Variants in CDC27 observed in about 807,000 individuals in gnomAD.
CDC27 encodes the protein cell division cycle 27.
A neutral mutation model predicts 109.7 loss-of-function variants in CDC27; 27 were observed. That is an observed-to-expected ratio of 0.25 (90% CI 0.18 to 0.34). The LOEUF is 0.34. CDC27 is among the 10% of genes least tolerant of loss of function. CDC27 has a pLI of 1.00. For missense variants in CDC27, 579 were observed against 960.2 expected, an observed-to-expected ratio of 0.60 and a Z score of 5.25; for synonymous variants, 266 against 333.9, an observed-to-expected ratio of 0.80 and a Z score of 2.22.
chr17:47,148,112 C>T (rs1247814301), intron 9 of CDC27, among the ~76,000 whole-genome samples: 1 of 150,358 alleles, frequency 6.7e-6, no homozygotes, highest in Non-Finnish European at 1.5e-5. Context: ...GCAGGAGAAT[C>T]GCTTGAACCC....
intron 9 of CDC27, among the ~76,000 whole-genome samples, chr17:47,145,769 C>T (rs867998118): frequency 1.1e-4 from 16 of 151,904 alleles, no homozygotes; most frequent in Non-Finnish European, 2.1e-4. Flanking sequence ...GGCATGATGG[C>T]GGGTGCCTGT....
At chr17:47,177,567 G>GAAAC (rs1176621133) in intron 2 of CDC27, among the ~76,000 whole-genome samples, 1 of 152,112 alleles carries the variant, frequency 6.6e-6, no homozygotes, top group East Asian at 1.9e-4. Context: ...GACCCTATCT[G>GAAAC]AAACAAACAA....
Position 47,119,783 on chromosome 17 carries a change from T to C in CDC27, c.*1152A>G, listed in dbSNP as rs541966797. The stretch of plus-strand genomic sequence containing the variant: ...CTCAGAAGAGAACCTATCTCCTTCA[T>C]AAGAATGTTTTTTCCCCCAAGCTAA... On this transcript the variant is annotated 3_prime_UTR_variant, in exon 19 of 19. Coordinates refer to ENST00000066544, the MANE Select transcript of CDC27 (RefSeq NM_001256.6). 6.6e-6 allele frequency: 1 copy of C among 152,270 alleles called. No individual in the cohort carries two copies. The highest frequency in any genetic ancestry group is 1.9e-4 in the East Asian group (1 of 5,192). The allele number at this position is 152,270 out of a possible 1,614,324, so 9.4% of individuals were successfully genotyped here. A position where few individuals can be genotyped will look rare whatever the true frequency, so the allele number is the denominator to read the frequency against.
intron 8 of CDC27, among the ~76,000 whole-genome samples, chr17:47,153,767 T>C (rs1478798072): frequency 6.6e-6 from 1 of 152,122 alleles, no homozygotes; most frequent in Admixed American, 6.6e-5. Flanking sequence ...TATTTCCATA[T>C]ACCTATAAAA....
intron 4 of CDC27, among the ~76,000 whole-genome samples, chr17:47,167,456 T>G (rs701982): frequency 0.44 from 66,563 of 151,920 alleles, 15,246 homozygotes; most frequent in Middle Eastern, 0.54. Flanking sequence ...AGTCACTCTA[T>G]AGATATGAGA....
chr17:47,133,023 A>ATG (rs2062413304), intron 14 of CDC27, among the ~76,000 whole-genome samples: 1 of 42,810 alleles, frequency 2.3e-5, no homozygotes, highest in Admixed American at 4.2e-4. Context: ...ATATATATAT[A>ATG]TATATACACA....
At position 47,140,802 on chromosome 17, in the gene CDC27, C is replaced by G. The variant is rs11570530; in HGVS notation, c.1551+1051G>C. Among the ~76,000 whole-genome samples the G allele has an allele frequency of 1.4e-3, 208 of 152,296 alleles. 1 individual carries two copies. The highest frequency in any genetic ancestry group is 4.7e-3 in the African/African-American group (195 of 41,568). ...TGAATAAGACTTTCTGTCTTCAACTCTCTGTTCTGTACTATTCAAAATTAA... is the reference window on the plus strand; with the variant it reads ...TGAATAAGACTTTCTGTCTTCAACTGTCTGTTCTGTACTATTCAAAATTAA... On this transcript the variant is annotated intron_variant, in intron 12 of 18. Transcript: ENST00000066544.
intron 4 of CDC27, among the ~76,000 whole-genome samples, chr17:47,166,161 C>G (rs2063638822): frequency 6.6e-6 from 1 of 152,002 alleles, no homozygotes; most frequent in African/African-American, 2.4e-5. Flanking sequence ...CTTTTTAGAA[C>G]AGTATTTCAT....
intron 9 of CDC27, among the ~76,000 whole-genome samples, chr17:47,147,127 G>A (rs996788893): frequency 5.9e-5 from 9 of 152,036 alleles, no homozygotes; most frequent in African/African-American, 1.7e-4. Flanking sequence ...GCAGCCGGGC[G>A]CGGTGGCTCA....
At chr17:47,124,209 A>ACACACACC (rs774336770) in intron 16 of CDC27, among the ~76,000 whole-genome samples, 4 of 148,316 alleles carry the variant, frequency 2.7e-5, no homozygotes, top group Admixed American at 1.4e-4. Flanking sequence ...ACACACACAC[A>ACACACACC]CCCCTCTTCG....
chr17:47,153,952 G>C (rs1024807142), intron 8 of CDC27, among the ~76,000 whole-genome samples: 8 of 151,844 alleles, frequency 5.3e-5, no homozygotes, highest in African/African-American at 1.7e-4. Context: ...AGCTGGGTGT[G>C]GTGGTGTACA....
chr17:47,183,093 A>G (rs2064305509), intron 1 of CDC27, among the ~76,000 whole-genome samples: 1 of 152,198 alleles, frequency 6.6e-6, no homozygotes, highest in African/African-American at 2.4e-5. Context: ...TTGAATATGC[A>G]TATGTTCATC....
chr17:47,137,361 C>A lies in CDC27; in HGVS notation c.1705-1G>T. Reference sequence around the variant, plus strand: ...AACAGTTCCCTGCAGCACACCAGGCCTTAAAAAAATGGGAACAAAAACCAA... The same window carrying A: ...AACAGTTCCCTGCAGCACACCAGGCATTAAAAAAATGGGAACAAAAACCAA... On this transcript the variant is annotated splice_acceptor_variant, in intron 13 of 18. Coordinates refer to ENST00000066544, the MANE Select transcript of CDC27 (RefSeq NM_001256.6). LOFTEE classifies it high-confidence loss of function. 6.5e-7 allele frequency: 1 copy of A among 1,541,444 alleles called. No homozygotes were observed. The highest frequency in any genetic ancestry group is 2.2e-5 in the Admixed American group (1 of 45,614).
intron 16 of CDC27, among the ~76,000 whole-genome samples, chr17:47,128,540 T>C (rs1345198321): frequency 6.6e-6 from 1 of 152,140 alleles, no homozygotes; most frequent in African/African-American, 2.4e-5. Context: ...TGTTATAAGC[T>C]CTCATAACTT....
At chr17:47,160,490 T>C (rs920482313) in intron 4 of CDC27, among the ~76,000 whole-genome samples, 4 of 152,110 alleles carry the variant, frequency 2.6e-5, no homozygotes, top group African/African-American at 9.7e-5. Flanking sequence ...CCTCCCAAAG[T>C]GTTGGGATTA....
intron 2 of CDC27, chr17:47,181,254 CAAAAAAAAAAAAAAAAAAAAAA>C: frequency 3.4e-5 from 1 of 29,404 alleles, no homozygotes; most frequent in South Asian, 1.6e-3. Context: ...GACCCTGTTT[CAAAAAAAAAAAAAAAAAAAAAA>C]AAAAAAAAAA....
chr17:47,164,645 C>T (rs1470032368), intron 4 of CDC27, among the ~76,000 whole-genome samples: 2 of 152,084 alleles, frequency 1.3e-5, no homozygotes, highest in Non-Finnish European at 2.9e-5. Flanking sequence ...GGTGAAACCC[C>T]GTCTCTACTA....
At chr17:47,144,640 T>C (rs1190310923) in intron 9 of CDC27, among the ~76,000 whole-genome samples, 1 of 152,202 alleles carries the variant, frequency 6.6e-6, no homozygotes, top group South Asian at 2.1e-4. Context: ...CCCTGAGATA[T>C]GAGAATTTCA....
chr17:47,151,612 A>G (rs1000033037), intron 9 of CDC27, among the ~76,000 whole-genome samples, 194 bp downstream of exon 9: 1 of 152,236 alleles, frequency 6.6e-6, no homozygotes, highest in African/African-American at 2.4e-5. Context: ...TTAGTTAACT[A>G]TTGTCTTCTG....
Sources: allele counts gnomAD v4.1 joint callset (sites outside exome capture counted in the v4.1 genomes callset), GRCh38; gene constraint gnomAD v4.1.1; transcripts MANE v1.5; gene names NCBI Gene and HGNC (gene_info 2026-07-23, HGNC 2026-07-21).